The following KIF26B variants were observed in gnomAD, a reference collection of about 807,000 sequenced individuals.
KIF26B encodes the protein kinesin-like protein KIF26B.
A neutral mutation model predicts 151.2 loss-of-function variants in KIF26B; 63 were observed. The observed-to-expected ratio is 0.42, with a 90% CI of 0.34 to 0.51. The LOEUF is 0.51. Among genes scored for constraint, KIF26B ranks in the 20% least tolerant of loss-of-function variants. KIF26B has a pLI of 0.07. For synonymous variants in KIF26B, 1,357 were observed against 1,262.1 expected (o/e 1.08, Z -1.59); for missense variants, 2,813 against 2,913.6 (o/e 0.97, Z 0.79).
At chr1:245,259,159 G>A (rs965364817) in intron 2 of KIF26B, among the ~76,000 whole-genome samples, 2 of 152,180 alleles carry the variant, frequency 1.3e-5, no homozygotes, top group African/African-American at 4.8e-5. Flanking sequence ...TTTGGAATGG[G>A]TGATTTCTTA....
intron 4 of KIF26B, among the ~76,000 whole-genome samples, chr1:245,421,758 C>G (rs578211826): frequency 6.6e-6 from 1 of 152,064 alleles, no homozygotes; most frequent in Non-Finnish European, 1.5e-5. Flanking sequence ...ATGAGTTCTC[C>G]TTAAATTCTT....
chr1:245,299,320 G>GTTTT (rs55957858), intron 2 of KIF26B, among the ~76,000 whole-genome samples: 1 of 103,182 alleles, frequency 9.7e-6, no homozygotes, highest in Admixed American at 1.1e-4. Context: ...CCAATTCTGG[G>GTTTT]TTTTTTTTTT....
intron 2 of KIF26B, among the ~76,000 whole-genome samples, chr1:245,322,334 C>A (rs1376813172): frequency 6.6e-6 from 1 of 152,062 alleles, no homozygotes; most frequent in Non-Finnish European, 1.5e-5. Flanking sequence ...CACATGTATA[C>A]CTATGTAACA....
chr1:245,492,177 CCT>C (rs1331221533), intron 4 of KIF26B, among the ~76,000 whole-genome samples: 1 of 152,158 alleles, frequency 6.6e-6, no homozygotes, highest in Non-Finnish European at 1.5e-5. Flanking sequence ...GGGGCTTGTT[CCT>C]CTGAACCCTT....
intron 2 of KIF26B, among the ~76,000 whole-genome samples, chr1:245,173,324 C>T (rs944242457): frequency 9.2e-5 from 14 of 152,066 alleles, no homozygotes; most frequent in Admixed American, 2.0e-4. Flanking sequence ...CTGAGCTGCA[C>T]GCTGAAAAAT....
intron 2 of KIF26B, among the ~76,000 whole-genome samples, chr1:245,236,705 G>A (rs1247827508): frequency 6.6e-6 from 1 of 152,184 alleles, no homozygotes; most frequent in Non-Finnish European, 1.5e-5. Context: ...TGAAAACAAT[G>A]GAGTGTAGAA....
At chr1:245,525,347 T>G (rs959705208) in intron 4 of KIF26B, among the ~76,000 whole-genome samples, 70 of 152,356 alleles carry the variant, frequency 4.6e-4, no homozygotes, top group African/African-American at 1.6e-3. Context: ...GAGTCAGTTC[T>G]GTGTGTTTTT....
chr1:245,173,736 A>G (rs1011431332), intron 2 of KIF26B, among the ~76,000 whole-genome samples: 10 of 152,196 alleles, frequency 6.6e-5, no homozygotes, highest in African/African-American at 2.4e-4. Context: ...GAATGGCTAT[A>G]GAGGGATGCA....
In KIF26B at chr1:245,688,482, G is replaced by T. The variant is rs959487794; in HGVS notation, c.5499G>T (p.Gly1833=). 2.1e-5 allele frequency: 29 copies of T among 1,404,654 alleles called. No individual in the cohort carries two copies. The African/African-American group carries it at 4.4e-4, about 21-fold the overall frequency. The allele number at this position is 1,404,654 out of a possible 1,614,324, so 87.0% of individuals were successfully genotyped here. ...LRAGPEAEAR[G]GALAEDEPAA... is the part of the protein sequence containing the mutation. ...CCGGGCCCGAGGCGGAGGCGCGCGGGGGGGCCCTGGCCGAGGACGAGCCCG... is the reference window on the plus strand; with the variant it reads ...CCGGGCCCGAGGCGGAGGCGCGCGGTGGGGCCCTGGCCGAGGACGAGCCCG... The change falls in exon 12 of 15, where the codon GGG becomes GGT. Residue 1833 remains glycine (G), a synonymous_variant. Transcript: ENST00000407071.
chr1:245,605,789 G>A (rs1445029497), intron 6 of KIF26B, among the ~76,000 whole-genome samples: 3 of 152,152 alleles, frequency 2.0e-5, no homozygotes, highest in Non-Finnish European at 4.4e-5. Flanking sequence ...TCTTCTCAGT[G>A]GAGAGCCGGG....
At chr1:245,264,971 G>A (rs1455281718) in intron 2 of KIF26B, among the ~76,000 whole-genome samples, 36 of 138,182 alleles carry the variant, frequency 2.6e-4, no homozygotes, top group Middle Eastern at 5.6e-3. Flanking sequence ...AGGCCGAGGC[G>A]GGCAGATCAC....
At chr1:245,627,974 T>C (rs2043742138) in intron 9 of KIF26B, among the ~76,000 whole-genome samples, 2 of 152,130 alleles carry the variant, frequency 1.3e-5, no homozygotes, top group African/African-American at 4.8e-5. Context: ...AGTTCTGAAA[T>C]TGAGGCAGTA....
At chr1:245,213,714 C>T (rs1405418286) in intron 2 of KIF26B, among the ~76,000 whole-genome samples, 2 of 152,178 alleles carry the variant, frequency 1.3e-5, no homozygotes, top group Admixed American at 6.5e-5. Context: ...TGGATGCACA[C>T]GTGACCGTGT....
chr1:245,184,050 G>GTTTTTTGTTTTTTGTTTTTTTTTTT lies in KIF26B; in HGVS notation c.465+27373_465+27374insGTTTTTTGTTTTTTTTTTTTTTTTT, dbSNP rs1553332272. ...GCAACAGGTATGGGTGGGAGTTGTT[G>GTTTTTTGTTTTTTGTTTTTTTTTTT]TTTTTTTTTTTTTTTTTTTGAGCTT... is the stretch of plus-strand genomic sequence containing the variant. On this transcript the variant is annotated intron_variant, in intron 2 of 14. Coordinates refer to ENST00000407071, the MANE Select transcript of KIF26B (RefSeq NM_018012.4). 2.5e-4 allele frequency among the ~76,000 whole-genome samples: 5 copies of GTTTTTTGTTTTTTGTTTTTTTTTTT among 19,804 alleles called. 1 individual carries two copies. The highest frequency in any genetic ancestry group is 4.0e-4 in the Non-Finnish European group (4 of 10,064). 13.0% of individuals were successfully genotyped at this position (19,804 alleles called of 152,430 possible).
chr1:245,688,870 C>T (rs2044581337), intron 12 of KIF26B, 63 bp downstream of exon 12: 3 of 1,496,416 alleles, frequency 2.0e-6, no homozygotes, highest in Admixed American at 2.2e-5. Context: ...TGCCCAAACC[C>T]CACTGCCAGG....
In KIF26B at chr1:245,325,564, T is replaced by C. The variant is rs960213467; in HGVS notation, c.466-41270T>C. Among the ~76,000 whole-genome samples the C allele has an allele frequency of 4.0e-5, 6 of 151,774 alleles. No homozygotes were observed. In the South Asian group the frequency reaches 1.0e-3, roughly 26 times the overall value. On this transcript the variant is annotated intron_variant, in intron 2 of 14. Transcript: ENST00000407071. ...CCCGTCTCTACTACAAGTACAAAAT[T>C]AGCGGGCGTGGTGGTGCATGCCTGT...
intron 2 of KIF26B, among the ~76,000 whole-genome samples, chr1:245,226,561 C>G (rs963124184): frequency 6.6e-6 from 1 of 151,900 alleles, no homozygotes; most frequent in Admixed American, 6.6e-5. Flanking sequence ...TTCCCAGGTT[C>G]TAAGCGATTC....
intron 7 of KIF26B, among the ~76,000 whole-genome samples, chr1:245,608,075 G>A (rs549574716): frequency 5.3e-5 from 8 of 152,218 alleles, no homozygotes; most frequent in African/African-American, 1.9e-4. Flanking sequence ...AGCAGATAGG[G>A]CCCCTTGCAC....
At chr1:245,265,080 T>G (rs1043125032) in intron 2 of KIF26B, among the ~76,000 whole-genome samples, 1 of 151,354 alleles carries the variant, frequency 6.6e-6, no homozygotes, top group Non-Finnish European at 1.5e-5. Context: ...CTGGCGCCTG[T>G]AGTCCCAGGT....
Sources: allele counts gnomAD v4.1 joint callset (sites outside exome capture counted in the v4.1 genomes callset), GRCh38; gene constraint gnomAD v4.1.1; transcripts MANE v1.5; gene names NCBI Gene and HGNC (gene_info 2026-07-23, HGNC 2026-07-21).